ZNF385B: variants seen among roughly 807,000 people sequenced by gnomAD.
ZNF385B encodes zinc finger protein 385B, also known as zinc finger protein 533.
Under a neutral mutation model 39.2 loss-of-function variants are expected in ZNF385B, and 23 were observed. That is an observed-to-expected ratio of 0.59 (90% CI 0.42 to 0.83). The LOEUF is 0.83. Ranked by LOEUF, ZNF385B falls within the 40% of genes least tolerant of loss-of-function variation. The pLI is 0.00. For missense variants in ZNF385B, 552 were observed against 598.9 expected, an observed-to-expected ratio of 0.92 and a Z score of 0.82; for synonymous variants, 205 against 222.6, an observed-to-expected ratio of 0.92 and a Z score of 0.70.
intron 3 of ZNF385B, among the ~76,000 whole-genome samples, chr2:179,747,579 T>C (rs149013715): frequency 2.0e-5 from 3 of 152,256 alleles, no homozygotes; most frequent in African/African-American, 4.8e-5. Flanking sequence ...GTCATAGGAA[T>C]AGTTCATGAG....
At chr2:179,678,881 A>G (rs1697223481) in intron 3 of ZNF385B, among the ~76,000 whole-genome samples, 1 of 152,218 alleles carries the variant, frequency 6.6e-6, no homozygotes, top group South Asian at 2.1e-4. Context: ...AAGATTTGCT[A>G]TCCACACATT....
At chr2:179,468,630 T>C (rs1314908409) in intron 6 of ZNF385B, among the ~76,000 whole-genome samples, 1 of 152,182 alleles carries the variant, frequency 6.6e-6, no homozygotes, top group Non-Finnish European at 1.5e-5. Flanking sequence ...AAGTAAAACA[T>C]TTGAATTCGG....
intron 3 of ZNF385B, among the ~76,000 whole-genome samples, chr2:179,757,039 C>T (rs1316356886): frequency 6.6e-6 from 1 of 152,170 alleles, no homozygotes; most frequent in Non-Finnish European, 1.5e-5. Context: ...GAGAGGTGCT[C>T]TGATTTTTAG....
intron 3 of ZNF385B, among the ~76,000 whole-genome samples, chr2:179,690,246 C>T (rs2106342367): frequency 6.6e-6 from 1 of 152,188 alleles, no homozygotes; most frequent in East Asian, 1.9e-4. Context: ...AGATACTGGA[C>T]TGATGACCTT....
chr2:179,647,674 G>A (rs79809677), intron 3 of ZNF385B, among the ~76,000 whole-genome samples: 460 of 152,186 alleles, frequency 3.0e-3, no homozygotes, highest in Non-Finnish European at 4.5e-3. Context: ...GTTCCTATAG[G>A]GTTCATAAGT....
At chr2:179,530,679 T>C (rs975442291) in intron 4 of ZNF385B, among the ~76,000 whole-genome samples, 2 of 152,210 alleles carry the variant, frequency 1.3e-5, no homozygotes, top group African/African-American at 2.4e-5. Context: ...AAGAGAAACC[T>C]GGACCTTTGA....
chr2:179,567,241 A>G (rs537926906), intron 3 of ZNF385B, among the ~76,000 whole-genome samples: 88 of 152,292 alleles, frequency 5.8e-4, no homozygotes, highest in African/African-American at 2.0e-3. Flanking sequence ...TGAAAAAATT[A>G]TGGCCCTTCT....
chr2:179,592,148 T>C (rs1687617489), intron 3 of ZNF385B, among the ~76,000 whole-genome samples: 1 of 152,176 alleles, frequency 6.6e-6, no homozygotes, highest in African/African-American at 2.4e-5. Flanking sequence ...GACTGGCAGA[T>C]TCTCTTTCCC....
chr2:179,521,856 G>A (rs1331464183), intron 4 of ZNF385B, among the ~76,000 whole-genome samples: 1 of 152,014 alleles, frequency 6.6e-6, no homozygotes, highest in Non-Finnish European at 1.5e-5. Context: ...TATCAAGATT[G>A]TACCCCCATC....
intron 3 of ZNF385B, among the ~76,000 whole-genome samples, chr2:179,757,534 T>C (rs1445103829): frequency 2.6e-5 from 4 of 152,204 alleles, no homozygotes; most frequent in African/African-American, 9.6e-5. Flanking sequence ...TGCTGCCTTT[T>C]GTTTGGCTAT....
chr2:179,828,681 C>T lies in ZNF385B; in HGVS notation c.-155+32420G>A, dbSNP rs145195187. 5.7e-3 allele frequency among the ~76,000 whole-genome samples: 870 copies of T among 152,238 alleles called. 5 individuals carry two copies. Among genetic ancestry groups the T allele is most frequent in the Middle Eastern group, 0.017 (5 of 294 alleles). Reference sequence around the variant, plus strand: ...ATGAAGTTTGAGAGTATGAAAATTACGAATCACTTCAAGAACTTTAAAATC... The same window carrying T: ...ATGAAGTTTGAGAGTATGAAAATTATGAATCACTTCAAGAACTTTAAAATC... On this transcript the variant is annotated intron_variant, in intron 1 of 9. Transcript: ENST00000410066.
At chr2:179,694,506 T>A (rs906551391) in intron 3 of ZNF385B, among the ~76,000 whole-genome samples, 2 of 152,200 alleles carry the variant, frequency 1.3e-5, no homozygotes, top group African/African-American at 4.8e-5. Flanking sequence ...ATTTTAAAGT[T>A]AATAGACACC....
At chr2:179,463,000 C>T (rs1423761632) in intron 6 of ZNF385B, among the ~76,000 whole-genome samples, 1 of 151,884 alleles carries the variant, frequency 6.6e-6, no homozygotes, top group Non-Finnish European at 1.5e-5. Flanking sequence ...ATTAGATTTG[C>T]TTAAATTAGA....
rs150042239 is a variant in ZNF385B at position 179,455,349 on chromosome 2, G to A, written c.716-8579C>T. On this transcript the variant is annotated intron_variant, in intron 6 of 9. Transcript: ENST00000410066. ...TCTCTGTGTGTCATGGGCTGGAGCC[G>A]GTGGGAGGTAATTGAATCATGGGGG... Among the ~76,000 whole-genome samples the A allele has an allele frequency of 1.8e-3, 268 of 151,882 alleles. 3 individuals carry two copies. The highest frequency in any genetic ancestry group is 5.6e-3 in the African/African-American group (232 of 41,430).
intron 5 of ZNF385B, among the ~76,000 whole-genome samples, chr2:179,493,867 G>A (rs1329768907): frequency 1.4e-5 from 2 of 147,090 alleles, no homozygotes; most frequent in Admixed American, 6.8e-5. Context: ...AACACTAAGG[G>A]TCCATCCATT....
In ZNF385B at chr2:179,479,948, C is replaced by T. The variant is rs147371661; in HGVS notation, c.715+3324G>A. ...AGGATGTTCCCAGAATGCTGCTCTC[C>T]CAGAAGCTCCCTCTGTTAACTCCTG... On this transcript the variant is annotated intron_variant, in intron 6 of 9. Transcript: ENST00000410066. 7.1e-3 allele frequency among the ~76,000 whole-genome samples: 1,088 copies of T among 152,266 alleles called. 18 individuals carry two copies. The highest frequency in any genetic ancestry group is 0.056 in the South Asian group (271 of 4,830).
At chr2:179,797,272 A>G (rs1575508380) in intron 1 of ZNF385B, among the ~76,000 whole-genome samples, 1 of 152,040 alleles carries the variant, frequency 6.6e-6, no homozygotes, top group East Asian at 1.9e-4. Flanking sequence ...TTTCATATAT[A>G]CTCCCTGCCA....
intron 3 of ZNF385B, among the ~76,000 whole-genome samples, chr2:179,663,948 A>G (rs1559053330): frequency 6.6e-6 from 1 of 152,138 alleles, no homozygotes; most frequent in Non-Finnish European, 1.5e-5. Flanking sequence ...TCCTCCTTGT[A>G]AAATCCAGAG....
At chr2:179,624,746 C>T (rs780561155) in intron 3 of ZNF385B, among the ~76,000 whole-genome samples, 11 of 152,162 alleles carry the variant, frequency 7.2e-5, no homozygotes, top group Non-Finnish European at 1.0e-4. Context: ...ATAGGGAAGT[C>T]GGTAAACTTG....
Sources: allele counts gnomAD v4.1 joint callset (sites outside exome capture counted in the v4.1 genomes callset), GRCh38; gene constraint gnomAD v4.1.1; transcripts MANE v1.5; gene names NCBI Gene and HGNC (gene_info 2026-07-23, HGNC 2026-07-21).